PKHD1: variants seen among roughly 807,000 people sequenced by gnomAD.
The protein encoded by PKHD1 is PKHD1 ciliary IPT domain containing fibrocystin/polyductin, also known as fibrocystin.
In PKHD1, 291 loss-of-function variants were observed where a neutral mutation model predicts 412.0. The ratio of observed to expected loss-of-function variants is 0.71; its 90% CI spans 0.64 to 0.78. The LOEUF (loss-of-function observed/expected upper bound fraction) is 0.78, where lower values mean the gene tolerates loss of function less well. Among genes scored for constraint, PKHD1 ranks in the 30% least tolerant of loss-of-function variants. PKHD1 has a pLI of 0.00. For synonymous variants in PKHD1, 1,777 were observed against 1,821.5 expected (o/e 0.98, Z 0.62); for missense variants, 4,825 against 4,950.7 (o/e 0.97, Z 0.76).
intron 55 of PKHD1, among the ~76,000 whole-genome samples, chr6:51,755,204 C>T (rs1178199360): frequency 6.6e-6 from 1 of 152,098 alleles, no homozygotes; most frequent in African/African-American, 2.4e-5. Context: ...GAATAAAAAA[C>T]AATAAAAGTT....
At chr6:51,726,797 G>T (rs1465845643) in intron 60 of PKHD1, among the ~76,000 whole-genome samples, 1 of 152,110 alleles carries the variant, frequency 6.6e-6, no homozygotes, top group African/African-American at 2.4e-5. Context: ...TAAGACTAAG[G>T]TCTTACAAAT....
chr6:51,627,151 T>C (rs1767353135), intron 65 of PKHD1, 35 bp from the exon 66 acceptor site: 2 of 1,605,872 alleles, frequency 1.2e-6, no homozygotes, highest in African/African-American at 1.3e-5. Flanking sequence ...ATTTTTTTGT[T>C]CAGTTGTAAG....
rs758625710 is a variant in PKHD1, at chr6:51,885,957, T to C, written c.7125A>G (p.Val2375=). Residue 2375 remains valine, a synonymous_variant, in exon 45 of 67, where the codon GTA becomes GTG. Transcript: ENST00000371117. Reference sequence around the variant, plus strand: ...CCCAAGGTGGCTGAAATTTAGGGTATACAAAGAGACCATACCTAAAAAGTG... The same window carrying C: ...CCCAAGGTGGCTGAAATTTAGGGTACACAAAGAGACCATACCTAAAAAGTG... The part of the protein sequence containing the change: ...AHSCTRYGLF[V]YPKFQPPWDN... The C allele has an allele frequency of 3.1e-6, 5 of 1,597,490 alleles. No homozygotes were observed. Among genetic ancestry groups the C allele is most frequent in the Non-Finnish European group, 4.3e-6 (5 of 1,164,950 alleles).
At chr6:51,703,092 TCC>T (rs1273571621) in intron 60 of PKHD1, among the ~76,000 whole-genome samples, 1 of 151,868 alleles carries the variant, frequency 6.6e-6, no homozygotes, top group East Asian at 1.9e-4. Context: ...TACAGAGTGC[TCC>T]ATAAACATTT....
chr6:51,773,331 T>C (rs1474882323), intron 54 of PKHD1, among the ~76,000 whole-genome samples: 1 of 151,956 alleles, frequency 6.6e-6, no homozygotes, highest in Non-Finnish European at 1.5e-5. Context: ...ACTAATAAAT[T>C]AAAGGCTTAG....
chr6:51,674,490 A>C (rs1775522881), intron 60 of PKHD1, among the ~76,000 whole-genome samples: 1 of 152,196 alleles, frequency 6.6e-6, no homozygotes, highest in South Asian at 2.1e-4. Flanking sequence ...TAGCAAGTTT[A>C]ATTATCCATA....
At chr6:51,703,992 T>C (rs1024229921) in intron 60 of PKHD1, among the ~76,000 whole-genome samples, 2 of 152,022 alleles carry the variant, frequency 1.3e-5, no homozygotes, top group African/African-American at 4.8e-5. Flanking sequence ...TTTCCAAAAG[T>C]CTGTTGCTAC....
intron 52 of PKHD1, among the ~76,000 whole-genome samples, chr6:51,829,316 A>G (rs1767854884): frequency 1.3e-5 from 2 of 150,758 alleles, no homozygotes; most frequent in South Asian, 4.2e-4. Context: ...CAGTGGACAC[A>G]GTCAACTGCA....
chr6:51,921,234 T>C (rs1784649794), intron 37 of PKHD1, among the ~76,000 whole-genome samples: 1 of 152,216 alleles, frequency 6.6e-6, no homozygotes, highest in Non-Finnish European at 1.5e-5. Flanking sequence ...ATTTTAGGTC[T>C]TTCCTGCTTT....
chr6:51,641,901 G>C lies in PKHD1; in HGVS notation c.11399-2945C>G, dbSNP rs575606377. On this transcript the variant is annotated intron_variant, in intron 63 of 66. Transcript: ENST00000371117. Reference sequence around the variant, plus strand: ...CACACACTAGGGCCTGTCAGGGAGTGGGGAGCAAGGGGAGGGATAGCATTA... The same window carrying C: ...CACACACTAGGGCCTGTCAGGGAGTCGGGAGCAAGGGGAGGGATAGCATTA... Among the ~76,000 whole-genome samples, 18 of 152,240 alleles carry C rather than the reference G, an allele frequency of 1.2e-4. No homozygotes were observed. In the South Asian group the frequency reaches 3.1e-3, roughly 26 times the overall value.
chr6:51,791,422 A>T, intron 52 of PKHD1, 49 bp from the exon 53 acceptor site: 1 of 1,586,106 alleles, frequency 6.3e-7, no homozygotes, highest in Non-Finnish European at 8.7e-7. Context: ...AACAAGAATT[A>T]CGTGTTTATT....
Position 51,618,999 on chromosome 6 carries a change from A to G in PKHD1, c.*82T>C, listed in dbSNP as rs1766276761. 8.0e-7 allele frequency: 1 copy of G among 1,256,188 alleles called. No homozygotes were observed. The highest frequency in any genetic ancestry group is 1.2e-6 in the Non-Finnish European group (1 of 856,358). 77.8% of individuals were successfully genotyped at this position (1,256,188 alleles called of 1,614,324 possible). On this transcript the variant is annotated 3_prime_UTR_variant, in exon 67 of 67. Transcript: ENST00000371117. ...CTCTCTTCTTAGTTGTCCCAGCAGG[A>G]CAGTCCTCACTTCCCCAGCTTATTA...
At position 52,025,132 on chromosome 6, in the gene PKHD1, C is replaced by G; in HGVS notation, c.4678G>C (p.Ala1560Pro). The G allele has an allele frequency of 6.2e-7, 1 of 1,614,096 alleles. No individual in the cohort carries two copies. Among genetic ancestry groups the G allele is most frequent in the Non-Finnish European group, 8.5e-7 (1 of 1,179,930 alleles). The part of the protein sequence containing the change: ...LSVFYTRNGY[A>P]CSGNVSRHFY... ...TGTCTGGAAACATTACCAGAACAAGCATACCCATTTCTTGTATAAAAAACT... is the reference window on the plus strand; with the variant it reads ...TGTCTGGAAACATTACCAGAACAAGGATACCCATTTCTTGTATAAAAAACT... The change falls in exon 32 of 67, where the codon GCT (alanine) becomes CCT (proline). Residue 1560 changes from alanine (A) to proline (P), a missense_variant. By Grantham distance (27) the Ala-to-Pro change is conservative. Coordinates refer to ENST00000371117, the MANE Select transcript of PKHD1 (RefSeq NM_138694.4).
intron 19 of PKHD1, among the ~76,000 whole-genome samples, chr6:52,055,316 T>C (rs1241488956): frequency 6.6e-6 from 1 of 152,214 alleles, no homozygotes; most frequent in Non-Finnish European, 1.5e-5. Flanking sequence ...TCTGTACTCT[T>C]AGAGATCAAA....
intron 25 of PKHD1, 124 bp downstream of exon 25, chr6:52,044,842 C>T (rs1473647362): frequency 1.9e-6 from 2 of 1,032,414 alleles, no homozygotes; most frequent in Non-Finnish European, 3.0e-6. Context: ...ATAAGTACCC[C>T]TGTTTTACAC....
chr6:51,888,619 G>A (rs1026440579), intron 43 of PKHD1, among the ~76,000 whole-genome samples: 5 of 151,856 alleles, frequency 3.3e-5, no homozygotes, highest in Non-Finnish European at 5.9e-5. Flanking sequence ...TTCTTGGACT[G>A]TGGATGATTT....
In PKHD1 at chr6:52,053,069, T is replaced by G. The variant is rs1807126491; in HGVS notation, c.2140+7A>C. 6.2e-7 allele frequency: 1 copy of G among 1,613,544 alleles called. No homozygotes were observed. The highest frequency in any genetic ancestry group is 8.5e-7 in the Non-Finnish European group (1 of 1,179,708). On this transcript the variant is annotated splice_region_variant and intron_variant, in intron 21 of 66. Coordinates refer to ENST00000371117, the MANE Select transcript of PKHD1 (RefSeq NM_138694.4). ...GGCTTGTGGAGGAGAGAGAATTTGA[T>G]GATTACCTGTTACGTTTGTGTCTGC...
At chr6:51,741,823 C>A (rs1327583213) in intron 60 of PKHD1, among the ~76,000 whole-genome samples, 1 of 152,232 alleles carries the variant, frequency 6.6e-6, no homozygotes. Context: ...CAAACTAAGA[C>A]ACTATCTTCA....
chr6:52,082,426 A>C lies in PKHD1; in HGVS notation c.247T>G (p.Phe83Val). ...CATGTCACCACAGGCAAATCCAAGA[A>C]AACAGGAAAGACGTCACAGGGAACA... ...RSVPCDVFPVFLDLPVVTCRT... is the reference protein window; with the variant it reads ...RSVPCDVFPVVLDLPVVTCRT... The change falls in exon 4 of 67, where the codon TTC becomes GTC. Residue 83 changes from phenylalanine (F) to valine (V), a missense_variant. Transcript: ENST00000371117. 1 of 1,614,138 alleles carries C rather than the reference A, an allele frequency of 6.2e-7. No homozygotes were observed. The highest frequency in any genetic ancestry group is 1.1e-5 in the South Asian group (1 of 91,074).
Sources: gnomAD v4.1 joint callset for allele counts (sites outside exome capture counted in the v4.1 genomes callset) on GRCh38, gnomAD v4.1.1 for gene constraint, MANE v1.5 for transcripts, NCBI Gene and HGNC (gene_info 2026-07-23, HGNC 2026-07-21) for gene names.